Variants in AGBL4 observed in about 807,000 individuals in gnomAD.
The protein encoded by AGBL4 is AGBL carboxypeptidase 4, also known as cytosolic carboxypeptidase 6.
In AGBL4, 58 loss-of-function variants were observed where a neutral mutation model predicts 66.4. The ratio of observed to expected loss-of-function variants is 0.87; its 90% confidence interval spans 0.71 to 1.09. The LOEUF is 1.09. Ranked by LOEUF, AGBL4 falls within the 50% of genes least tolerant of loss-of-function variation. The pLI is 0.00. For missense variants in AGBL4, 579 were observed against 631.0 expected (o/e 0.92, Z 0.88); for synonymous variants, 234 against 222.9 (o/e 1.05, Z -0.44).
chr1:48,643,380 C>G (rs1410747644), intron 8 of AGBL4, among the ~76,000 whole-genome samples: 3 of 152,086 alleles, frequency 2.0e-5, no homozygotes, highest in East Asian at 3.9e-4. Flanking sequence ...CAGACTGTAC[C>G]CTATGTAGGA....
intron 6 of AGBL4, among the ~76,000 whole-genome samples, chr1:48,849,591 C>T (rs1646988667): frequency 6.6e-6 from 1 of 152,246 alleles, no homozygotes; most frequent in Non-Finnish European, 1.5e-5. Context: ...CTCCCACCTT[C>T]ACTGCTTCTC....
chr1:49,404,922 G>A (rs139493812), intron 3 of AGBL4, among the ~76,000 whole-genome samples: 360 of 152,280 alleles, frequency 2.4e-3, no homozygotes, highest in African/African-American at 8.1e-3. Context: ...TTCACATGCT[G>A]CTAGGATTTC....
chr1:48,923,596 T>A (rs1353647700), intron 5 of AGBL4, among the ~76,000 whole-genome samples: 1 of 152,218 alleles, frequency 6.6e-6, no homozygotes, highest in African/African-American at 2.4e-5. Flanking sequence ...TGGATATATG[T>A]TTAATGTTTT....
At chr1:49,412,246 G>A in intron 3 of AGBL4, among the ~76,000 whole-genome samples, 1 of 152,138 alleles carries the variant, frequency 6.6e-6, no homozygotes, top group East Asian at 1.9e-4. Flanking sequence ...CAGAGTGCCA[G>A]CAAGAGCATG....
chr1:48,673,914 A>G (rs1646318148), intron 6 of AGBL4, among the ~76,000 whole-genome samples: 1 of 152,148 alleles, frequency 6.6e-6, no homozygotes, highest in Non-Finnish European at 1.5e-5. Context: ...TGTCTGAACA[A>G]CCACAGAAGC....
At chr1:49,803,559 C>T (rs1644911156) in intron 2 of AGBL4, among the ~76,000 whole-genome samples, 1 of 152,002 alleles carries the variant, frequency 6.6e-6, no homozygotes, top group Admixed American at 6.6e-5. Context: ...AATCCTAGTC[C>T]CAATTCTGCC....
chr1:48,980,734 TATATATATATATATATATATATATATATA>T (rs1173551677), intron 5 of AGBL4, among the ~76,000 whole-genome samples: 6 of 1,930 alleles, frequency 3.1e-3, no homozygotes, highest in Non-Finnish European at 7.8e-3. Context: ...TATATATATA[TATATATATATATATATATATATATATATA>T]TATATATATA....
At chr1:49,010,884 A>T (rs904655880) in intron 5 of AGBL4, among the ~76,000 whole-genome samples, 8 of 151,452 alleles carry the variant, frequency 5.3e-5, no homozygotes, top group East Asian at 1.9e-4. Flanking sequence ...TCAATTCAAG[A>T]TGGATTAAAG....
At chr1:49,541,260 T>C (rs1349559630) in intron 3 of AGBL4, among the ~76,000 whole-genome samples, 1 of 152,202 alleles carries the variant, frequency 6.6e-6, no homozygotes, top group Non-Finnish European at 1.5e-5. Context: ...AGCCCGCCGC[T>C]GCACTATGGG....
intron 5 of AGBL4, among the ~76,000 whole-genome samples, chr1:49,024,825 G>A (rs945699998): frequency 6.6e-6 from 1 of 152,106 alleles, no homozygotes; most frequent in Non-Finnish European, 1.5e-5. Flanking sequence ...GAAGCCTCTT[G>A]TCATCACAGA....
At chr1:48,656,150 A>G (rs2148446730) in intron 7 of AGBL4, among the ~76,000 whole-genome samples, 1 of 152,332 alleles carries the variant, frequency 6.6e-6, no homozygotes, top group African/African-American at 2.4e-5. Flanking sequence ...GCCAGAAGAG[A>G]AGGAAAAGTG....
At chr1:48,572,194 C>T (rs1221567233) in intron 11 of AGBL4, among the ~76,000 whole-genome samples, 1 of 152,010 alleles carries the variant, frequency 6.6e-6, no homozygotes, top group Non-Finnish European at 1.5e-5. Flanking sequence ...GGTCAGAGGC[C>T]ACTGTAAAAG....
intron 1 of AGBL4, among the ~76,000 whole-genome samples, chr1:49,938,386 G>A (rs1246529985): frequency 6.6e-6 from 1 of 152,174 alleles, no homozygotes; most frequent in East Asian, 1.9e-4. Context: ...TCCAGGACCA[G>A]ATGGATTCAC....
chr1:48,975,911 T>G (rs1415914184), intron 5 of AGBL4, among the ~76,000 whole-genome samples: 1 of 152,112 alleles, frequency 6.6e-6, no homozygotes, highest in Non-Finnish European at 1.5e-5. Context: ...AAATCAGAGG[T>G]ATCCCTGAAA....
intron 2 of AGBL4, among the ~76,000 whole-genome samples, chr1:49,713,908 C>T (rs7534420): frequency 0.021 from 3,250 of 152,094 alleles, 130 homozygotes; most frequent in African/African-American, 0.074. Flanking sequence ...GGAATACAGG[C>T]ATGTGCCACT....
At chr1:49,361,752 T>TAC (rs911770522) in intron 3 of AGBL4, among the ~76,000 whole-genome samples, 15 of 151,420 alleles carry the variant, frequency 9.9e-5, no homozygotes, top group African/African-American at 2.4e-4. Context: ...ACTGTCTCCC[T>TAC]ACACACACAC....
chr1:49,185,587 GAGAAAC>G (rs1647001828), intron 4 of AGBL4, among the ~76,000 whole-genome samples: 1 of 152,140 alleles, frequency 6.6e-6, no homozygotes, highest in Non-Finnish European at 1.5e-5. Context: ...TTCAAAACAA[GAGAAAC>G]TTGGACATAT....
At chr1:49,433,352 C>G (rs1434908688) in intron 3 of AGBL4, among the ~76,000 whole-genome samples, 1 of 152,084 alleles carries the variant, frequency 6.6e-6, no homozygotes. Flanking sequence ...TCTGTGGTAT[C>G]TGACACTATC....
At chr1:48,878,327 G>A (rs373185263) in intron 5 of AGBL4, among the ~76,000 whole-genome samples, 191 of 152,306 alleles carry the variant, frequency 1.3e-3, no homozygotes, top group African/African-American at 4.5e-3. Context: ...TTAGAAGCCA[G>A]GAGCTGTGTT....
Sources: gnomAD v4.1 joint callset for allele counts (sites outside exome capture counted in the v4.1 genomes callset) on GRCh38, gnomAD v4.1.1 for gene constraint, MANE v1.5 for transcripts, NCBI Gene and HGNC (gene_info 2026-07-23, HGNC 2026-07-21) for gene names.